PHOX2A: variants seen among roughly 807,000 people sequenced by gnomAD.
PHOX2A encodes paired mesoderm homeobox protein 2A.
PHOX2A carries 10 observed loss-of-function variants against 16.4 expected under a neutral mutation model. That is an observed-to-expected ratio of 0.61 (90% CI 0.38 to 1.04). The LOEUF (loss-of-function observed/expected upper bound fraction) is 1.04. PHOX2A is among the 50% of genes least tolerant of loss of function. The pLI is 0.01. For synonymous variants in PHOX2A, 219 were observed against 203.8 expected, an observed-to-expected ratio of 1.07 and a Z score of -0.64; for missense variants, 361 against 419.4, an observed-to-expected ratio of 0.86 and a Z score of 1.22.
chr11:72,243,768 TG>T lies in PHOX2A; in HGVS notation c.217+19del. On this transcript the variant is annotated intron_variant, in intron 1 of 2. Transcript: ENST00000298231. Reference sequence around the variant, plus strand: ...ATTCTGCAGGAATTGGAGGGAGGGTTGGGCCGGGGCTGCGCTCACCTGCCGA... The same window carrying T: ...ATTCTGCAGGAATTGGAGGGAGGGTTGGCCGGGGCTGCGCTCACCTGCCGA... 2 of 1,168,738 alleles carry T rather than the reference TG, an allele frequency of 1.7e-6. No individual in the cohort carries two copies. The highest frequency in any genetic ancestry group is 6.9e-5 in the East Asian group (2 of 28,896). The allele number at this position is 1,168,738 out of a possible 1,614,324, so 72.4% of individuals were successfully genotyped here. A position where few individuals can be genotyped will look rare whatever the true frequency, so the allele number is the denominator to read the frequency against.
Position 72,241,295 on chromosome 11 carries a change from G to T in PHOX2A, c.218-6C>A. 6.4e-7 allele frequency: 1 copy of T among 1,564,162 alleles called. No homozygotes were observed. Among genetic ancestry groups the T allele is most frequent in the Non-Finnish European group, 8.6e-7 (1 of 1,158,056 alleles). ...TGGGAAGAACTTGTAGGGCACTGCG[G>T]GTGTGTGCAGGGGGGCCGGGGGGGG... On this transcript the variant is annotated splice_region_variant and splice_polypyrimidine_tract_variant and intron_variant, in intron 1 of 2. Coordinates refer to ENST00000298231, the MANE Select transcript of PHOX2A (RefSeq NM_005169.4).
Position 72,239,839 on chromosome 11 carries a change from C to A in PHOX2A, c.765G>T (p.Gln255His), listed in dbSNP as rs768291497. Reference sequence around the variant, plus strand: ...AGGGCCCGGGGCCGGACTCCGCCGGCTGCCAAGCCTTAAGTAGTTCGGCCG... The same window carrying A: ...AGGGCCCGGGGCCGGACTCCGCCGGATGCCAAGCCTTAAGTAGTTCGGCCG... ...AGAAELLKAW[Q>H]PAESGPGPFS... The change falls in exon 3 of 3, where the codon CAG becomes CAT. Residue 255 changes from glutamine to histidine, a missense_variant. By Grantham distance (24) the Gln-to-His change is conservative (BLOSUM62 0). Around this residue, in one of 3 missense-constraint regions of PHOX2A, gnomAD observed 71 missense variants for 54.1 expected, o/e 1.31. Transcript: ENST00000298231. 9.6e-5 allele frequency: 132 copies of A among 1,374,968 alleles called. No individual in the cohort carries two copies. Among genetic ancestry groups the A allele is most frequent in the Middle Eastern group, 5.0e-4 (2 of 3,988 alleles). 85.2% of individuals were successfully genotyped at this position (1,374,968 alleles called of 1,614,324 possible). A position where few individuals can be genotyped will look rare whatever the true frequency, so the allele number is the denominator to read the frequency against.
At chr11:72,242,031 T>A (rs1306865448) in intron 1 of PHOX2A, among the ~76,000 whole-genome samples, 1 of 151,352 alleles carries the variant, frequency 6.6e-6, no homozygotes, top group African/African-American at 2.4e-5. Context: ...TTGAGAAGAC[T>A]TCCTCCATCT....
chr11:72,241,214 G>A lies in PHOX2A; in HGVS notation c.293C>T (p.Thr98Ile). 1 of 1,613,322 alleles carries A rather than the reference G, an allele frequency of 6.2e-7. No homozygotes were observed. Among genetic ancestry groups the A allele is most frequent in the Non-Finnish European group, 8.5e-7 (1 of 1,179,800 alleles). Reference sequence around the variant, plus strand: ...CTCCAGCTCCTTGAGCTGCGCGCTGGTGAACGTGGTGCGGATGCGCCGCTG... The same window carrying A: ...CTCCAGCTCCTTGAGCTGCGCGCTGATGAACGTGGTGCGGATGCGCCGCTG... ...RKQRRIRTTF[T>I]SAQLKELERV... The change falls in exon 2 of 3, where the codon ACC (threonine) becomes ATC (isoleucine). Residue 98 changes from threonine to isoleucine, a missense_variant. By Grantham distance (89) the Thr-to-Ile change is moderately conservative. Around this residue, in one of 3 missense-constraint regions of PHOX2A, gnomAD observed 235 missense variants for 263.8 expected, o/e 0.89. Transcript: ENST00000298231.
chr11:72,243,316 C>T (rs541604342), intron 1 of PHOX2A, among the ~76,000 whole-genome samples: 18 of 152,222 alleles, frequency 1.2e-4, no homozygotes, highest in African/African-American at 4.3e-4. Context: ...CTGATGGCCA[C>T]GCGAGCTCTA....
At chr11:72,243,643 G>A (rs1260820995) in intron 1 of PHOX2A, 145 bp downstream of exon 1, 2 of 415,954 alleles carry the variant, frequency 4.8e-6, no homozygotes, top group East Asian at 3.6e-5. Context: ...GGAGAACCTC[G>A]TATTCTGGGG....
intron 1 of PHOX2A, among the ~76,000 whole-genome samples, chr11:72,242,109 C>T (rs1949127583): frequency 6.6e-6 from 1 of 151,952 alleles, no homozygotes; most frequent in African/African-American, 2.4e-5. Flanking sequence ...CCCCAGGCAC[C>T]TTCTCCATGT....
In PHOX2A at chr11:72,242,343, C is replaced by T. The variant is rs141460435; in HGVS notation, c.218-1054G>A. Among the ~76,000 whole-genome samples the T allele has an allele frequency of 4.2e-3, 632 of 152,214 alleles. 6 individuals are homozygous for T. The highest frequency in any genetic ancestry group is 0.014 in the African/African-American group (596 of 41,518). On this transcript the variant is annotated intron_variant, in intron 1 of 2. Transcript: ENST00000298231. ...AGCACCCCATTTGTATTCTTATCTTCGTCATCTCTATTTCTAATCTTCTTT... is the reference window on the plus strand; with the variant it reads ...AGCACCCCATTTGTATTCTTATCTTTGTCATCTCTATTTCTAATCTTCTTT...
Position 72,239,473 on chromosome 11 carries a change from C to T in PHOX2A, c.*276G>A, listed in dbSNP as rs1467228614. ...GTTAGGGACAGGCCTCATGTGATAC[C>T]GCATCCAAAGAAGGCCAAGCTAGAA... On this transcript the variant is annotated 3_prime_UTR_variant, in exon 3 of 3. Transcript: ENST00000298231. 2.4e-5 allele frequency: 8 copies of T among 337,346 alleles called. No individual in the cohort carries two copies. In the Admixed American group the frequency reaches 2.4e-4, roughly 10 times the overall value. 20.9% of individuals were successfully genotyped at this position (337,346 alleles called of 1,614,324 possible).
chr11:72,240,422 G>C (rs1397379394), intron 2 of PHOX2A, among the ~76,000 whole-genome samples: 2 of 152,218 alleles, frequency 1.3e-5, no homozygotes, highest in African/African-American at 4.8e-5. Context: ...CCACTCACCC[G>C]CTGACTCTGC....
In PHOX2A at chr11:72,239,825, C is replaced by T. The variant is rs780563989; in HGVS notation, c.779G>A (p.Gly260Asp). ...LLKAWQPAES[G>D]PGPFSGVLSS... is the part of the protein sequence containing the mutation. ...CAGAACCCCGGAGAAGGGCCCGGGG[C>T]CGGACTCCGCCGGCTGCCAAGCCTT... is the stretch of plus-strand genomic sequence containing the variant. The change falls in exon 3 of 3, where the codon GGC (glycine) becomes GAC (aspartate). Residue 260 changes from glycine to aspartate, a missense_variant. Gly to Asp is a moderately conservative substitution (Grantham distance 94). This residue lies in a region of PHOX2A where 71 missense variants were observed against 54.1 expected (regional missense o/e 1.31). Coordinates refer to ENST00000298231, the MANE Select transcript of PHOX2A (RefSeq NM_005169.4). The T allele has an allele frequency of 4.4e-6, 6 of 1,364,686 alleles. No individual in the cohort carries two copies. Among genetic ancestry groups the T allele is most frequent in the Admixed American group, 6.2e-5 (2 of 32,174 alleles). 84.5% of individuals were successfully genotyped at this position (1,364,686 alleles called of 1,614,324 possible). A position where few individuals can be genotyped will look rare whatever the true frequency, so the allele number is the denominator to read the frequency against.
chr11:72,239,601 T>G lies in PHOX2A; in HGVS notation c.*148A>C. ...AGTGGCCCTGACTTGGTCTCCAAAG[T>G]TGGGGAGGACACACCGAGGGGTGAG... On this transcript the variant is annotated 3_prime_UTR_variant, in exon 3 of 3. Coordinates refer to ENST00000298231, the MANE Select transcript of PHOX2A (RefSeq NM_005169.4). The G allele has an allele frequency of 7.4e-6, 4 of 537,048 alleles. No individual in the cohort carries two copies. Among genetic ancestry groups the G allele is most frequent in the Non-Finnish European group, 1.2e-5 (4 of 343,068 alleles). 33.3% of individuals were successfully genotyped at this position (537,048 alleles called of 1,614,324 possible).
chr11:72,240,480 T>C (rs1949107928), intron 2 of PHOX2A, among the ~76,000 whole-genome samples: 1 of 152,192 alleles, frequency 6.6e-6, no homozygotes, highest in Non-Finnish European at 1.5e-5. Flanking sequence ...GCCTTCGTTC[T>C]CCTCACTCTA....
At position 72,239,504 on chromosome 11, in the gene PHOX2A, T is replaced by C; in HGVS notation, c.*245A>G. On this transcript the variant is annotated 3_prime_UTR_variant, in exon 3 of 3. Transcript: ENST00000298231. Reference sequence around the variant, plus strand: ...CAAAGAAGGCCAAGCTAGAAGGAGCTCCGGGGTTCTCCTGGAGGAGGTCCC... The same window carrying C: ...CAAAGAAGGCCAAGCTAGAAGGAGCCCCGGGGTTCTCCTGGAGGAGGTCCC... The C allele has an allele frequency of 2.6e-6, 1 of 379,676 alleles. No individual in the cohort carries two copies. The highest frequency in any genetic ancestry group is 4.7e-6 in the Non-Finnish European group (1 of 214,434). The allele number at this position is 379,676 out of a possible 1,614,324, so 23.5% of individuals were successfully genotyped here.
intron 2 of PHOX2A, among the ~76,000 whole-genome samples, chr11:72,240,711 C>T (rs1329196390): frequency 6.6e-6 from 1 of 152,188 alleles, no homozygotes; most frequent in African/African-American, 2.4e-5. Flanking sequence ...CTCAGCCTCC[C>T]GGGCTCCGGG....
intron 1 of PHOX2A, 63 bp downstream of exon 1, chr11:72,243,725 T>G (rs1043649533): frequency 3.9e-6 from 4 of 1,019,924 alleles, no homozygotes; most frequent in East Asian, 3.3e-5. Context: ...CGCATTCACT[T>G]GGCGAGCGGG....
intron 2 of PHOX2A, 98 bp downstream of exon 2, chr11:72,241,004 C>T: frequency 7.6e-7 from 1 of 1,322,926 alleles, no homozygotes; most frequent in Non-Finnish European, 1.1e-6. Flanking sequence ...TGCCTTCGGG[C>T]TGCATCTGCC....
chr11:72,243,775 G>C lies in PHOX2A; in HGVS notation c.217+13C>G, dbSNP rs988279770. Reference sequence around the variant, plus strand: ...AGGAATTGGAGGGAGGGTTGGGCCGGGGCTGCGCTCACCTGCCGAGTAGGG... The same window carrying C: ...AGGAATTGGAGGGAGGGTTGGGCCGCGGCTGCGCTCACCTGCCGAGTAGGG... On this transcript the variant is annotated intron_variant, in intron 1 of 2. Coordinates refer to ENST00000298231, the MANE Select transcript of PHOX2A (RefSeq NM_005169.4). 12 of 1,239,278 alleles carry C rather than the reference G, an allele frequency of 9.7e-6. No homozygotes were observed. Among genetic ancestry groups the C allele is most frequent in the Admixed American group, 4.2e-5 (1 of 23,782 alleles). 76.8% of individuals were successfully genotyped at this position (1,239,278 alleles called of 1,614,324 possible).
At chr11:72,242,108 C>T (rs577344641) in intron 1 of PHOX2A, among the ~76,000 whole-genome samples, 1 of 152,106 alleles carries the variant, frequency 6.6e-6, no homozygotes, top group East Asian at 1.9e-4. Flanking sequence ...TCCCCAGGCA[C>T]CTTCTCCATG....
Sources: allele counts gnomAD v4.1 joint callset (sites outside exome capture counted in the v4.1 genomes callset), GRCh38; gene constraint gnomAD v4.1.1; regional missense constraint gnomAD v4.1.1; transcripts MANE v1.5; gene names NCBI Gene and HGNC (gene_info 2026-07-23, HGNC 2026-07-21).